Variants in ZDHHC9 observed in about 807,000 individuals in gnomAD.
ZDHHC9 encodes the protein palmitoyltransferase ZDHHC9.
A neutral mutation model predicts 26.6 loss-of-function variants in ZDHHC9; 3 were observed. The observed-to-expected ratio is 0.11, with a 90% CI of 0.05 to 0.29. The LOEUF (loss-of-function observed/expected upper bound fraction) is 0.29. Ranked by LOEUF, ZDHHC9 falls within the 10% of genes least tolerant of loss-of-function variation. The pLI, the probability that ZDHHC9 is intolerant of heterozygous loss-of-function variation, is 1.00. For missense variants in ZDHHC9, 146 were observed against 296.4 expected (o/e 0.49, Z 3.73); for synonymous variants, 111 against 109.4 (o/e 1.01, Z -0.09).
chrX:129,830,239 C>A (rs1771614), intron 3 of ZDHHC9, among the ~76,000 whole-genome samples: 1 of 110,843 alleles, frequency 9.0e-6, no homozygotes, highest in African/African-American at 3.3e-5. Flanking sequence ...GGGAATGCTC[C>A]GGTTTGAATT....
At chrX:129,816,696 G>T (rs1242351915) in intron 5 of ZDHHC9, among the ~76,000 whole-genome samples, 1 of 110,560 alleles carries the variant, frequency 9.0e-6, no homozygotes, top group East Asian at 2.8e-4. Flanking sequence ...AGGGTAAAAT[G>T]GACACTCTAA....
At chrX:129,813,880 C>T (rs917136763) in intron 6 of ZDHHC9, among the ~76,000 whole-genome samples, 155 bp from the exon 7 acceptor site, 1 of 112,420 alleles carries the variant, frequency 8.9e-6, no homozygotes, top group African/African-American at 3.2e-5. Context: ...AGAGCCTCAT[C>T]TCCTAGCTGG....
chrX:129,833,919 A>G (rs768577348), intron 3 of ZDHHC9, among the ~76,000 whole-genome samples: 1 of 111,817 alleles, frequency 8.9e-6, no homozygotes, highest in African/African-American at 3.2e-5. Context: ...CCTTTGCTAT[A>G]ATACCTCCCT....
At position 129,805,370 on chromosome X, in the gene ZDHHC9, A is replaced by G. The variant is rs1927492196; in HGVS notation, c.*1000T>C. 1 of 108,155 alleles carries G rather than the reference A, an allele frequency of 9.2e-6. No homozygotes were observed. Among genetic ancestry groups the G allele is most frequent in the African/African-American group, 3.4e-5 (1 of 29,412 alleles). The allele number at this position is 108,155 out of a possible 1,213,427, so 8.9% of individuals were successfully genotyped here. A position where few individuals can be genotyped will look rare whatever the true frequency, so the allele number is the denominator to read the frequency against. On this transcript the variant is annotated 3_prime_UTR_variant, in exon 11 of 11. Coordinates refer to ENST00000357166, the MANE Select transcript of ZDHHC9 (RefSeq NM_016032.4). ...GGTACATCGGGGGAGAGGAGAGGAG[A>G]GGAGAGCCTCTCTGTGCCTTGGTTT...
intron 5 of ZDHHC9, among the ~76,000 whole-genome samples, chrX:129,821,453 C>T (rs1273530608): frequency 9.3e-6 from 1 of 107,867 alleles, no homozygotes; most frequent in Non-Finnish European, 1.9e-5. Context: ...CCACCACGTC[C>T]CCTAATTTTT....
In ZDHHC9 at chrX:129,806,476, T is replaced by C. The variant is rs1370221742; in HGVS notation, c.989A>G (p.Glu330Gly). ...CGGCATCTCATTTGAGTTCAGGTGT[T>C]CTGTGGGGGCCTGAGAAGGAAAAGA... Reference protein sequence around the residue: ...SLLPQSPAPTEHLNSNEMPED... With the variant: ...SLLPQSPAPTGHLNSNEMPED... Residue 330 changes from glutamate to glycine, a missense_variant, in exon 11 of 11, where the codon GAA (glutamate) becomes GGA (glycine). Glu to Gly is a moderately conservative substitution (Grantham distance 98). Around this residue, in one of 2 missense-constraint regions of ZDHHC9, gnomAD observed 46 missense variants for 46.4 expected, o/e 0.99. Transcript: ENST00000357166. 1.7e-6 allele frequency: 2 copies of C among 1,207,176 alleles called. No homozygotes were observed. The highest frequency in any genetic ancestry group is 1.8e-5 in the African/African-American group (1 of 56,906).
intron 5 of ZDHHC9, among the ~76,000 whole-genome samples, chrX:129,815,114 A>T (rs749536802): frequency 2.8e-4 from 31 of 110,962 alleles, no homozygotes; most frequent in African/African-American, 1.0e-3. Flanking sequence ...TCCAAATAAA[A>T]TCTTAATCGG....
intron 4 of ZDHHC9, among the ~76,000 whole-genome samples, chrX:129,827,961 C>T (rs1928058300): frequency 9.0e-6 from 1 of 111,526 alleles, no homozygotes; most frequent in African/African-American, 3.3e-5. Flanking sequence ...GGATTACAGG[C>T]ACATGCCACC....
chrX:129,824,022 T>C (rs1483298764), intron 4 of ZDHHC9, among the ~76,000 whole-genome samples, 185 bp from the exon 5 acceptor site: 3 of 111,760 alleles, frequency 2.7e-5, no homozygotes, highest in African/African-American at 6.5e-5. Flanking sequence ...AGTTCTGTTG[T>C]ATACATAAGA....
At chrX:129,806,964 T>A (rs1425605233) in intron 10 of ZDHHC9, among the ~76,000 whole-genome samples, 1 of 110,242 alleles carries the variant, frequency 9.1e-6, no homozygotes, top group Non-Finnish European at 1.9e-5. Context: ...ATACCACCCT[T>A]CTCCACTTTG....
At position 129,803,526 on chromosome X, in the gene ZDHHC9, G is replaced by T. The variant is rs1286248826; in HGVS notation, c.*2844C>A. The T allele has an allele frequency of 1.8e-5, 2 of 112,378 alleles. No individual in the cohort carries two copies. Among genetic ancestry groups the T allele is most frequent in the African/African-American group, 3.2e-5 (1 of 30,917 alleles). 9.3% of individuals were successfully genotyped at this position (112,378 alleles called of 1,213,427 possible). A position where few individuals can be genotyped will look rare whatever the true frequency, so the allele number is the denominator to read the frequency against. ...TTCTCCAACAAAGTAAAGAGATTTG[G>T]TCAGTAGGAACGGGTGCTTTATGGG... On this transcript the variant is annotated 3_prime_UTR_variant, in exon 11 of 11. Coordinates refer to ENST00000357166, the MANE Select transcript of ZDHHC9 (RefSeq NM_016032.4).
chrX:129,815,248 G>C (rs1476437832), intron 5 of ZDHHC9, among the ~76,000 whole-genome samples: 3 of 112,014 alleles, frequency 2.7e-5, no homozygotes, highest in African/African-American at 9.7e-5. Flanking sequence ...ACAGATCTTA[G>C]AATATATAAG....
In ZDHHC9 at chrX:129,803,418, T is replaced by C. The variant is rs772901766; in HGVS notation, c.*2952A>G. On this transcript the variant is annotated 3_prime_UTR_variant, in exon 11 of 11. Coordinates refer to ENST00000357166, the MANE Select transcript of ZDHHC9 (RefSeq NM_016032.4). ...GAAAAACCCCCAACACATACACATT[T>C]GTAGGCTCACACAAAAGTGCAGAGA... 7 of 112,951 alleles carry C rather than the reference T, an allele frequency of 6.2e-5. No individual in the cohort carries two copies. Among genetic ancestry groups the C allele is most frequent in the Non-Finnish European group, 9.4e-5 (5 of 53,377 alleles). The allele number at this position is 112,951 out of a possible 1,213,427, so 9.3% of individuals were successfully genotyped here.
At chrX:129,833,760 G>A (rs1018747815) in intron 3 of ZDHHC9, among the ~76,000 whole-genome samples, 1 of 111,916 alleles carries the variant, frequency 8.9e-6, no homozygotes, top group Admixed American at 9.4e-5. Flanking sequence ...CAGCCTCTAA[G>A]GGCTGTAAGT....
At chrX:129,830,274 G>A (rs1396338861) in intron 3 of ZDHHC9, among the ~76,000 whole-genome samples, 2 of 111,737 alleles carry the variant, frequency 1.8e-5, no homozygotes, top group Non-Finnish European at 3.8e-5. Context: ...TCCTAGTTGG[G>A]TGACTTAGTT....
At position 129,827,251 on chromosome X, in the gene ZDHHC9, A is replaced by AAAGGAAGG. The variant is rs752889794; in HGVS notation, c.328+1722_328+1729dup. Reference sequence around the variant, plus strand: ...AGAAGAAAGGAAGGAAAGGAAGGAAAAAGGAAGGAAGGAAGGAAGGGAGGG... The same window carrying AAAGGAAGG: ...AGAAGAAAGGAAGGAAAGGAAGGAAAAAGGAAGGAAGGAAGGAAGGAAGGAAGGGAGGG... On this transcript the variant is annotated intron_variant, in intron 4 of 10. Transcript: ENST00000357166. Among the ~76,000 whole-genome samples, 475 of 85,666 alleles carry AAAGGAAGG rather than the reference A, an allele frequency of 5.5e-3. 3 individuals carry two copies. The highest frequency in any genetic ancestry group is 0.02 in the African/African-American group (451 of 22,515). The allele number at this position is 85,666 out of a possible 115,157, so 74.4% of individuals were successfully genotyped here.
rs1928394688 is a variant in ZDHHC9, at chrX:129,842,044, G to A, written c.-99C>T. On this transcript the variant is annotated 5_prime_UTR_variant, in exon 3 of 11. Transcript: ENST00000357166. ...AATCACGTTGCCTGCTATTCCTGCC[G>A]CTGGGTCAAACATCATCAAAAGTCC... 11 of 1,065,842 alleles carry A rather than the reference G, an allele frequency of 1.0e-5. No homozygotes were observed. The highest frequency in any genetic ancestry group is 9.1e-5 in the East Asian group (3 of 33,109). The allele number at this position is 1,065,842 out of a possible 1,213,427, so 87.8% of individuals were successfully genotyped here.
chrX:129,828,280 C>T (rs1678800292), intron 4 of ZDHHC9, among the ~76,000 whole-genome samples: 1 of 111,536 alleles, frequency 9.0e-6, no homozygotes, highest in African/African-American at 3.3e-5. Context: ...GGCTCTTGAG[C>T]CACTTGCTCA....
chrX:129,830,239 C>T (rs1771614), intron 3 of ZDHHC9, among the ~76,000 whole-genome samples: 1 of 110,843 alleles, frequency 9.0e-6, no homozygotes, highest in Non-Finnish European at 1.9e-5. Flanking sequence ...GGGAATGCTC[C>T]GGTTTGAATT....
Sources: allele counts gnomAD v4.1 joint callset (sites outside exome capture counted in the v4.1 genomes callset), GRCh38; gene constraint gnomAD v4.1.1; regional missense constraint gnomAD v4.1.1; transcripts MANE v1.5; gene names NCBI Gene and HGNC (gene_info 2026-07-23, HGNC 2026-07-21).